The following COMMD10 variants were observed in gnomAD, a reference collection of about 807,000 sequenced individuals.
COMMD10 encodes the protein COMM domain-containing protein 10.
Under a neutral mutation model 28.9 loss-of-function variants are expected in COMMD10, and 33 were observed. The ratio of observed to expected loss-of-function variants is 1.14; its 90% CI spans 0.87 to 1.53. COMMD10 has a LOEUF of 1.53. Ranked by LOEUF, COMMD10 falls within the 40% of genes most tolerant of loss-of-function variation. The pLI is 0.00. For synonymous variants in COMMD10, 110 were observed against 81.7 expected (o/e 1.35, Z -1.87); for missense variants, 310 against 233.4 (o/e 1.33, Z -2.14).
intron 4 of COMMD10, among the ~76,000 whole-genome samples, chr5:116,126,033 T>C (rs568156057): frequency 8.5e-4 from 130 of 152,220 alleles, no homozygotes; most frequent in African/African-American, 3.0e-3. Flanking sequence ...AAAACCCCAT[T>C]GTCTCAGCCC....
At chr5:116,226,760 C>T (rs1458541224) in intron 5 of COMMD10, among the ~76,000 whole-genome samples, 1 of 152,016 alleles carries the variant, frequency 6.6e-6, no homozygotes, top group Non-Finnish European at 1.5e-5. Flanking sequence ...GTTCCATAAC[C>T]CTCACAGGTA....
At chr5:116,255,706 C>G (rs949465514) in intron 5 of COMMD10, 1 of 151,316 alleles carries the variant, frequency 6.6e-6, no homozygotes, top group Non-Finnish European at 1.5e-5. Context: ...TAATAGTGTA[C>G]GTAAATGCTA....
At chr5:116,244,660 CAA>C (rs60360733) in intron 5 of COMMD10, among the ~76,000 whole-genome samples, 5,251 of 79,486 alleles carry the variant, frequency 0.066, 336 homozygotes, top group African/African-American at 0.17. Flanking sequence ...AAAAAAATTA[CAA>C]AAAAAAAAAA....
intron 5 of COMMD10, among the ~76,000 whole-genome samples, chr5:116,151,463 A>T (rs1364509669): frequency 6.6e-6 from 1 of 152,184 alleles, no homozygotes; most frequent in Non-Finnish European, 1.5e-5. Context: ...CCTCTGGTAG[A>T]ATTCGGCTGT....
At chr5:116,126,834 C>G (rs1019140790) in intron 4 of COMMD10, among the ~76,000 whole-genome samples, 22 of 152,102 alleles carry the variant, frequency 1.4e-4, no homozygotes, top group African/African-American at 5.3e-4. Context: ...AGGAGGAAAC[C>G]TAGGCAATAC....
chr5:116,194,946 A>G (rs1019435780), intron 5 of COMMD10, among the ~76,000 whole-genome samples: 9 of 152,202 alleles, frequency 5.9e-5, no homozygotes, highest in East Asian at 3.8e-4. Context: ...ATCCAACAAC[A>G]TATCAAAAAG....
chr5:116,258,133 C>A (rs1285465821), intron 5 of COMMD10, among the ~76,000 whole-genome samples: 2 of 151,610 alleles, frequency 1.3e-5, no homozygotes, highest in Non-Finnish European at 2.9e-5. Flanking sequence ...AATTGGATTT[C>A]TTTTCCATTC....
At chr5:116,252,204 T>C (rs1033821463) in intron 5 of COMMD10, among the ~76,000 whole-genome samples, 1 of 141,570 alleles carries the variant, frequency 7.1e-6, no homozygotes, top group African/African-American at 2.8e-5. Flanking sequence ...TATTAGCCCT[T>C]TGTCAGATGA....
chr5:116,227,865 A>G (rs1408358847), intron 5 of COMMD10, among the ~76,000 whole-genome samples: 1 of 152,104 alleles, frequency 6.6e-6, no homozygotes, highest in Non-Finnish European at 1.5e-5. Flanking sequence ...ACCAGTGGGA[A>G]CCAGACATCG....
chr5:116,107,822 C>G (rs1040236233), intron 4 of COMMD10, among the ~76,000 whole-genome samples: 1 of 152,138 alleles, frequency 6.6e-6, no homozygotes, highest in Non-Finnish European at 1.5e-5. Context: ...GTGGATTTAT[C>G]TACCTTTGTT....
chr5:116,103,835 A>G (rs568409329), intron 4 of COMMD10, among the ~76,000 whole-genome samples: 2 of 152,300 alleles, frequency 1.3e-5, no homozygotes, highest in South Asian at 4.1e-4. Flanking sequence ...ATAAGGTGTA[A>G]GGAAGGGGTC....
chr5:116,194,795 C>T (rs756114166), intron 5 of COMMD10, among the ~76,000 whole-genome samples: 1 of 151,852 alleles, frequency 6.6e-6, no homozygotes, highest in Non-Finnish European at 1.5e-5. Flanking sequence ...AAAGAAGGAG[C>T]CCTTCCTAAT....
chr5:116,154,095 G>A (rs1752627697), intron 5 of COMMD10, among the ~76,000 whole-genome samples: 1 of 152,014 alleles, frequency 6.6e-6, no homozygotes, highest in Admixed American at 6.6e-5. Context: ...TGTCTGAGGG[G>A]ACCTGAGTTC....
At chr5:116,273,633 C>T (rs1250399781) in intron 5 of COMMD10, among the ~76,000 whole-genome samples, 1 of 151,664 alleles carries the variant, frequency 6.6e-6, no homozygotes, top group Non-Finnish European at 1.5e-5. Flanking sequence ...AAACATTAAA[C>T]CAAATTGTGA....
At chr5:116,090,992 A>G (rs1417850752) in intron 2 of COMMD10, 87 bp from the exon 3 acceptor site, 18 of 716,872 alleles carry the variant, frequency 2.5e-5, no homozygotes, top group Non-Finnish European at 4.1e-5. Context: ...TTCTCATCTC[A>G]TATACGAATA....
In COMMD10 at chr5:116,099,090, A is replaced by G. The variant is rs546742523; in HGVS notation, c.399+6390A>G. Among the ~76,000 whole-genome samples, 3 of 152,312 alleles carry G rather than the reference A, an allele frequency of 2.0e-5. No individual in the cohort carries two copies. The South Asian group carries it at 6.2e-4, about 32-fold the overall frequency. ...ATTCCCAGAACTTAATTTGTTTTAT[A>G]GCTAAAAGTTGTACCCTCTGACCAG... On this transcript the variant is annotated intron_variant, in intron 4 of 6. Transcript: ENST00000274458.
At chr5:116,176,354 TC>T (rs1715981880) in intron 5 of COMMD10, among the ~76,000 whole-genome samples, 1 of 152,174 alleles carries the variant, frequency 6.6e-6, no homozygotes, top group Non-Finnish European at 1.5e-5. Context: ...CATCAAGTGA[TC>T]CACTCTCGTC....
intron 5 of COMMD10, among the ~76,000 whole-genome samples, chr5:116,170,264 A>G (rs1022535562): frequency 7.9e-5 from 12 of 152,226 alleles, no homozygotes; most frequent in Admixed American, 3.3e-4. Flanking sequence ...CAAAATATCT[A>G]GAAATACAAC....
At chr5:116,154,698 C>G (rs1393109137) in intron 5 of COMMD10, among the ~76,000 whole-genome samples, 1 of 152,082 alleles carries the variant, frequency 6.6e-6, no homozygotes, top group Non-Finnish European at 1.5e-5. Context: ...TTTCCTTAAT[C>G]CTCATCTCTG....
Sources: gnomAD v4.1 joint callset for allele counts (sites outside exome capture counted in the v4.1 genomes callset) on GRCh38, gnomAD v4.1.1 for gene constraint, MANE v1.5 for transcripts, NCBI Gene and HGNC (gene_info 2026-07-23, HGNC 2026-07-21) for gene names.